Variants in KIAA0825 observed in about 807,000 individuals in gnomAD.
KIAA0825 encodes the protein uncharacterized protein KIAA0825.
In KIAA0825, 119 loss-of-function variants were observed where a neutral mutation model predicts 147.6. That is an observed-to-expected ratio of 0.81 (90% CI 0.69 to 0.94). The LOEUF (loss-of-function observed/expected upper bound fraction) is 0.94, where lower values mean the gene tolerates loss of function less well. Ranked by LOEUF, KIAA0825 falls within the 40% of genes least tolerant of loss-of-function variation. The pLI, the probability that KIAA0825 is intolerant of heterozygous loss-of-function variation, is 0.00. For synonymous variants in KIAA0825, 470 were observed against 518.1 expected, an observed-to-expected ratio of 0.91 and a Z score of 1.26; for missense variants, 1,381 against 1,472.7, an observed-to-expected ratio of 0.94 and a Z score of 1.02.
At chr5:94,429,422 G>A (rs1755354612) in intron 14 of KIAA0825, among the ~76,000 whole-genome samples, 1 of 151,938 alleles carries the variant, frequency 6.6e-6, no homozygotes, top group Non-Finnish European at 1.5e-5. Flanking sequence ...TGTTTCTGGG[G>A]GGTGTGACTG....
intron 20 of KIAA0825, among the ~76,000 whole-genome samples, chr5:94,374,547 CAT>C (rs955374226): frequency 2.0e-5 from 3 of 152,150 alleles, no homozygotes; most frequent in African/African-American, 7.2e-5. Flanking sequence ...CTGTATCTAT[CAT>C]AGTATTTGTG....
intron 16 of KIAA0825, among the ~76,000 whole-genome samples, chr5:94,398,161 T>G (rs1437845843): frequency 6.6e-6 from 1 of 152,176 alleles, no homozygotes; most frequent in African/African-American, 2.4e-5. Flanking sequence ...AAGCCCTTCT[T>G]CACAAATGGT....
chr5:94,259,568 A>G (rs1288662811), intron 20 of KIAA0825, among the ~76,000 whole-genome samples: 71 of 152,044 alleles, frequency 4.7e-4, no homozygotes. Context: ...ATAGTCTATT[A>G]GTAAACTGGA....
At position 94,220,663 on chromosome 5, in the gene KIAA0825, TATGCTGTTA is replaced by T. The variant is rs529954034; in HGVS notation, c.3711-66548_3711-66540del. On this transcript the variant is annotated intron_variant, in intron 20 of 20. Transcript: ENST00000682413. ...TATATAAACAGCATATATAAATGTA[TATGCTGTTA>T]ATTGTTTACTGAAACATCATTATGT... 1.7e-3 allele frequency among the ~76,000 whole-genome samples: 264 copies of T among 152,298 alleles called. 1 individual carries two copies. The highest frequency in any genetic ancestry group is 3.2e-3 in the Non-Finnish European group (218 of 68,024).
At chr5:94,523,521 G>A (rs1562591385) in intron 4 of KIAA0825, among the ~76,000 whole-genome samples, 1 of 151,528 alleles carries the variant, frequency 6.6e-6, no homozygotes, top group East Asian at 1.9e-4. Flanking sequence ...CCACTTAATA[G>A]ACACAATACA....
chr5:94,402,789 ATTC>A (rs1414792723), intron 16 of KIAA0825, among the ~76,000 whole-genome samples: 1 of 151,682 alleles, frequency 6.6e-6, no homozygotes, highest in East Asian at 2.0e-4. Context: ...TAGTGAAAAT[ATTC>A]TTCTTTAAGG....
chr5:94,501,756 A>C (rs1323108207), intron 5 of KIAA0825, among the ~76,000 whole-genome samples: 1 of 152,210 alleles, frequency 6.6e-6, no homozygotes, highest in Non-Finnish European at 1.5e-5. Context: ...TTTGGAGGGC[A>C]ATTTGAGTAT....
At chr5:94,205,406 A>G (rs1426570795) in intron 20 of KIAA0825, among the ~76,000 whole-genome samples, 3 of 150,564 alleles carry the variant, frequency 2.0e-5, no homozygotes, top group African/African-American at 7.3e-5. Flanking sequence ...GGTTCATGCC[A>G]TTCTCCTGCC....
intron 20 of KIAA0825, among the ~76,000 whole-genome samples, chr5:94,210,204 T>C (rs1342896075): frequency 6.6e-6 from 1 of 152,114 alleles, no homozygotes; most frequent in African/African-American, 2.4e-5. Context: ...AATTGGCTGT[T>C]TTGCGCCAGT....
chr5:94,458,695 T>C (rs1759437085), intron 12 of KIAA0825, among the ~76,000 whole-genome samples: 2 of 151,918 alleles, frequency 1.3e-5, no homozygotes, highest in African/African-American at 4.8e-5. Flanking sequence ...ACAAAATGGC[T>C]AAGGCAAGAA....
chr5:94,572,771 A>C (rs1026021733), intron 2 of KIAA0825, among the ~76,000 whole-genome samples: 1 of 152,226 alleles, frequency 6.6e-6, no homozygotes, highest in Non-Finnish European at 1.5e-5. Flanking sequence ...GGGTGATAGA[A>C]TTAAAAAGGG....
At chr5:94,425,293 A>G (rs1351757625) in intron 14 of KIAA0825, among the ~76,000 whole-genome samples, 1 of 152,258 alleles carries the variant, frequency 6.6e-6, no homozygotes, top group African/African-American at 2.4e-5. Flanking sequence ...ACCTTCATCA[A>G]GTGGGATTTA....
chr5:94,439,735 T>C (rs1756836701), intron 14 of KIAA0825, among the ~76,000 whole-genome samples: 1 of 152,202 alleles, frequency 6.6e-6, no homozygotes, highest in Non-Finnish European at 1.5e-5. Context: ...TTCTATATAA[T>C]GGTAGTTGTG....
chr5:94,263,829 T>C (rs1281776201), intron 20 of KIAA0825, among the ~76,000 whole-genome samples: 1 of 152,094 alleles, frequency 6.6e-6, no homozygotes, highest in Non-Finnish European at 1.5e-5. Flanking sequence ...GCCTGCAGCA[T>C]CTCCACCTCC....
intron 13 of KIAA0825, among the ~76,000 whole-genome samples, chr5:94,443,394 A>C (rs1757351070): frequency 6.6e-6 from 1 of 151,804 alleles, no homozygotes; most frequent in Non-Finnish European, 1.5e-5. Context: ...GTATGTATGT[A>C]TCAAATATGT....
At chr5:94,342,290 T>C (rs1461092061) in intron 20 of KIAA0825, among the ~76,000 whole-genome samples, 1 of 152,186 alleles carries the variant, frequency 6.6e-6, no homozygotes, top group Non-Finnish European at 1.5e-5. Flanking sequence ...TAAAATATAT[T>C]GAAACAGTCA....
chr5:94,545,285 A>C (rs1774130322), intron 2 of KIAA0825, among the ~76,000 whole-genome samples: 1 of 152,092 alleles, frequency 6.6e-6, no homozygotes, highest in Admixed American at 6.5e-5. Flanking sequence ...TCTAGGATAC[A>C]AGGATGGCTA....
At chr5:94,557,255 G>A (rs1776706436) in intron 2 of KIAA0825, among the ~76,000 whole-genome samples, 1 of 152,112 alleles carries the variant, frequency 6.6e-6, no homozygotes, top group East Asian at 1.9e-4. Context: ...GGGACTACAG[G>A]CACGTGCTAC....
chr5:94,502,193 C>CACATACAT (rs959368306), intron 5 of KIAA0825, among the ~76,000 whole-genome samples: 1 of 151,870 alleles, frequency 6.6e-6, no homozygotes, highest in African/African-American at 2.4e-5. Flanking sequence ...TGTATGTATA[C>CACATACAT]ACATACATAC....
Sources: gnomAD v4.1 joint callset for allele counts (sites outside exome capture counted in the v4.1 genomes callset) on GRCh38, gnomAD v4.1.1 for gene constraint, MANE v1.5 for transcripts, NCBI Gene and HGNC (gene_info 2026-07-23, HGNC 2026-07-21) for gene names.